The following BRINP1 variants were observed in gnomAD, a reference collection of about 807,000 sequenced individuals.
BRINP1 encodes the protein BMP/retinoic acid inducible neural specific 1.
Under a neutral mutation model 72.9 loss-of-function variants are expected in BRINP1, and 17 were observed. The observed-to-expected ratio is 0.23, with a 90% CI of 0.16 to 0.35. The LOEUF is 0.35. Among genes scored for constraint, BRINP1 ranks in the 10% least tolerant of loss-of-function variants. BRINP1 has a pLI of 1.00. For missense variants in BRINP1, 850 were observed against 1,001.6 expected (o/e 0.85, Z 2.04); for synonymous variants, 418 against 378.5 (o/e 1.10, Z -1.21).
chr9:119,351,749 T>A (rs1237587831), intron 1 of BRINP1, among the ~76,000 whole-genome samples: 1 of 152,232 alleles, frequency 6.6e-6, no homozygotes, highest in Non-Finnish European at 1.5e-5. Context: ...AGTAGGAAAG[T>A]CAATGAGCAA....
rs1831178946 is a variant in BRINP1 at position 119,320,799 on chromosome 9, T to C, written c.-50-7394A>G. 2.0e-5 allele frequency among the ~76,000 whole-genome samples: 3 copies of C among 152,194 alleles called. No individual in the cohort carries two copies. The South Asian group carries it at 6.2e-4, about 31-fold the overall frequency. On this transcript the variant is annotated intron_variant, in intron 1 of 7. Coordinates refer to ENST00000265922, the MANE Select transcript of BRINP1 (RefSeq NM_014618.3). ...CATCTCCCACAGGGAGCTTATACTT[T>C]AGTTGCTGTGAAAGTCATTTTGAGG...
At chr9:119,267,690 G>C (rs1830561780) in intron 2 of BRINP1, among the ~76,000 whole-genome samples, 1 of 151,180 alleles carries the variant, frequency 6.6e-6, no homozygotes, top group Non-Finnish European at 1.5e-5. Flanking sequence ...CTATTAAATA[G>C]CTGGGGACAT....
At chr9:119,206,020 A>C (rs1294080463) in intron 7 of BRINP1, among the ~76,000 whole-genome samples, 2 of 152,118 alleles carry the variant, frequency 1.3e-5, no homozygotes, top group Non-Finnish European at 2.9e-5. Context: ...CAGGATCTCA[A>C]ACTGTGACTG....
In BRINP1 at chr9:119,348,885, C is replaced by T. The variant is rs184356122; in HGVS notation, c.-51+20171G>A. Among the ~76,000 whole-genome samples the T allele has an allele frequency of 1.7e-3, 263 of 152,264 alleles. 2 individuals carry two copies. Among genetic ancestry groups the T allele is most frequent in the African/African-American group, 6.1e-3 (254 of 41,558 alleles). The stretch of plus-strand genomic sequence containing the variant: ...ATAAGCAAACAAATCAAATCACTGA[C>T]AAGTGAATGCTCTGGCCGGGTATGT... On this transcript the variant is annotated intron_variant, in intron 1 of 7. Coordinates refer to ENST00000265922, the MANE Select transcript of BRINP1 (RefSeq NM_014618.3).
At chr9:119,240,767 C>T (rs529725135) in intron 4 of BRINP1, among the ~76,000 whole-genome samples, 7 of 152,220 alleles carry the variant, frequency 4.6e-5, no homozygotes, top group Non-Finnish European at 7.3e-5. Context: ...TTTTCTCTCT[C>T]CTTAGTCAAT....
chr9:119,353,411 G>C (rs10123634), intron 1 of BRINP1, among the ~76,000 whole-genome samples: 62,591 of 151,964 alleles, frequency 0.41, 13,141 homozygotes, highest in African/African-American at 0.46. Flanking sequence ...ATATATGAAT[G>C]ATTATCCCCA....
Position 119,167,314 on chromosome 9 carries a change from A to G in BRINP1, c.2056T>C (p.Phe686Leu). Residue 686 changes from phenylalanine (F) to leucine (L), a missense_variant, in exon 8 of 8, where the codon TTC becomes CTC. Phe to Leu is a conservative substitution (Grantham distance 22). Coordinates refer to ENST00000265922, the MANE Select transcript of BRINP1 (RefSeq NM_014618.3). This position sits in a 1 kb window ranked among gnomAD's most constrained non-coding sequence, Gnocchi z 4.3. Reference protein sequence around the residue: ...VNQSYTQGGQFYSSSSVMLLL... With the variant: ...VNQSYTQGGQLYSSSSVMLLL... Reference sequence around the variant, plus strand: ...AGCATCACTGACGAAGAGGAATAGAACTGGCCGCCCTGTGTGTAGGACTGG... The same window carrying G: ...AGCATCACTGACGAAGAGGAATAGAGCTGGCCGCCCTGTGTGTAGGACTGG... 1 of 1,614,144 alleles carries G rather than the reference A, an allele frequency of 6.2e-7. No individual in the cohort carries two copies. The highest frequency in any genetic ancestry group is 8.5e-7 in the Non-Finnish European group (1 of 1,180,030).
At chr9:119,244,617 T>TA (rs1260332803) in intron 3 of BRINP1, among the ~76,000 whole-genome samples, 7 of 152,146 alleles carry the variant, frequency 4.6e-5, no homozygotes, top group Non-Finnish European at 1.0e-4. Flanking sequence ...CAGGCTCTCT[T>TA]AGGGGCCTGT....
chr9:119,260,143 C>T (rs1303314513), intron 2 of BRINP1, among the ~76,000 whole-genome samples: 5 of 152,194 alleles, frequency 3.3e-5, no homozygotes, highest in Non-Finnish European at 7.3e-5. Flanking sequence ...TATCAAGAAC[C>T]AGGGATCTAA....
chr9:119,247,296 C>T (rs567686321), intron 3 of BRINP1, among the ~76,000 whole-genome samples: 80 of 94,144 alleles, frequency 8.5e-4, no homozygotes, highest in African/African-American at 2.4e-3. Context: ...AGACAGCTAA[C>T]ACATGCTGGT....
Position 119,238,749 on chromosome 9 carries a change from T to C in BRINP1, c.591A>G (p.Thr197=). 6.2e-7 allele frequency: 1 copy of C among 1,603,440 alleles called. No homozygotes were observed. The highest frequency in any genetic ancestry group is 1.7e-4 in the Middle Eastern group (1 of 5,988). Reference sequence around the variant, plus strand: ...TGTTACAGCCCAGAGGCCCAGTGCGTGTCTCTGTGACCTGCAGTAGATATC... The same window carrying C: ...TGTTACAGCCCAGAGGCCCAGTGCGCGTCTCTGTGACCTGCAGTAGATATC... The part of the protein sequence containing the change: ...ISTGAIKVTE[T]RTGPLGCNSY... The change falls in exon 5 of 8, where the codon ACA becomes ACG. Residue 197 remains threonine (T), a synonymous_variant. Coordinates refer to ENST00000265922, the MANE Select transcript of BRINP1 (RefSeq NM_014618.3).
chr9:119,259,598 TAATAA>T, intron 2 of BRINP1, among the ~76,000 whole-genome samples: 1 of 152,326 alleles, frequency 6.6e-6, no homozygotes, highest in South Asian at 2.1e-4. Context: ...AAATATAGAT[TAATAA>T]AAGTTTGGAA....
chr9:119,355,570 C>T (rs983719301), intron 1 of BRINP1, among the ~76,000 whole-genome samples: 3 of 151,898 alleles, frequency 2.0e-5, no homozygotes, highest in Admixed American at 6.6e-5. Flanking sequence ...CTAATAAAAA[C>T]ACAAAAAAAT....
At position 119,354,541 on chromosome 9, in the gene BRINP1, C is replaced by T. The variant is rs374200466; in HGVS notation, c.-51+14515G>A. ...AGGCTTCATTTTACAAGTGAGAAAACTCAGGGGATGTGAGGGTCCAGGGAA... is the reference window on the plus strand; with the variant it reads ...AGGCTTCATTTTACAAGTGAGAAAATTCAGGGGATGTGAGGGTCCAGGGAA... On this transcript the variant is annotated intron_variant, in intron 1 of 7. Transcript: ENST00000265922. Among the ~76,000 whole-genome samples, 22 of 152,076 alleles carry T rather than the reference C, an allele frequency of 1.4e-4. No homozygotes were observed. In the South Asian group the frequency reaches 4.4e-3, roughly 30 times the overall value.
At chr9:119,281,893 T>A (rs1307576734) in intron 2 of BRINP1, among the ~76,000 whole-genome samples, 1 of 152,180 alleles carries the variant, frequency 6.6e-6, no homozygotes, top group Non-Finnish European at 1.5e-5. Flanking sequence ...CTTTGAGCAA[T>A]CCCTTATTGA....
intron 5 of BRINP1, among the ~76,000 whole-genome samples, chr9:119,229,956 A>G (rs1366138592): frequency 1.3e-5 from 2 of 151,972 alleles, no homozygotes; most frequent in Non-Finnish European, 2.9e-5. Flanking sequence ...AGAATCTAGG[A>G]CAATTGGAGA....
At chr9:119,236,833 T>C (rs1157350723) in intron 5 of BRINP1, among the ~76,000 whole-genome samples, 1 of 152,200 alleles carries the variant, frequency 6.6e-6, no homozygotes, top group Non-Finnish European at 1.5e-5. Context: ...CTGTCTACTC[T>C]TTTTTCTGCT....
intron 2 of BRINP1, among the ~76,000 whole-genome samples, chr9:119,265,782 G>C (rs1340147753): frequency 6.6e-6 from 1 of 152,050 alleles, no homozygotes; most frequent in Non-Finnish European, 1.5e-5. Flanking sequence ...TGTTCATATA[G>C]GCAAATTGTG....
chr9:119,233,064 T>C (rs1038817107), intron 5 of BRINP1, among the ~76,000 whole-genome samples: 3 of 151,756 alleles, frequency 2.0e-5, no homozygotes, highest in East Asian at 3.9e-4. Context: ...CTTGTTTTAA[T>C]AAACATTTCA....
Sources: allele counts gnomAD v4.1 joint callset (sites outside exome capture counted in the v4.1 genomes callset), GRCh38; gene constraint gnomAD v4.1.1; non-coding constraint Gnocchi (gnomAD v3.1); transcripts MANE v1.5; gene names NCBI Gene and HGNC (gene_info 2026-07-23, HGNC 2026-07-21).